UBA6: variants seen among roughly 807,000 people sequenced by gnomAD.
UBA6 encodes the protein ubiquitin-like modifier-activating enzyme 6.
A neutral mutation model predicts 148.3 loss-of-function variants in UBA6; 87 were observed. The observed-to-expected ratio is 0.59, with a 90% confidence interval of 0.49 to 0.70. The LOEUF is 0.70. UBA6 is among the 30% of genes least tolerant of loss of function. The pLI, the probability that UBA6 is intolerant of heterozygous loss-of-function variation, is 0.00. For synonymous variants in UBA6, 376 were observed against 401.0 expected (o/e 0.94, Z 0.75); for missense variants, 1,186 against 1,241.2 (o/e 0.96, Z 0.67).
intron 32 of UBA6, among the ~76,000 whole-genome samples, chr4:67,619,921 A>G (rs1422750849): frequency 2.6e-5 from 4 of 151,970 alleles, no homozygotes; most frequent in Non-Finnish European, 5.9e-5. Flanking sequence ...TCTACTTCCA[A>G]TCTACACTGC....
At chr4:67,646,917 A>G (rs1729433441) in intron 14 of UBA6, 126 bp from the exon 15 acceptor site, 1 of 275,184 alleles carries the variant, frequency 3.6e-6, no homozygotes. Context: ...TCAGAGTAAA[A>G]TATTTAAAAA....
chr4:67,634,311 G>A lies in UBA6; in HGVS notation c.1944C>T (p.Ser648=). 1.3e-6 allele frequency: 2 copies of A among 1,590,800 alleles called. No individual in the cohort carries two copies. Among genetic ancestry groups the A allele is most frequent in the Non-Finnish European group, 1.7e-6 (2 of 1,173,332 alleles). ...TAAACAATGAAGGTTTGTGGGAAAA[G>A]GAACTTTCAAACTGTAACAGAGAAA... ...IQWARDKFES[S]FSHKPSLFNK... is the part of the protein sequence containing the mutation. Residue 648 remains serine (S), a synonymous_variant, in exon 22 of 33, where the codon TCC becomes TCT. Coordinates refer to ENST00000322244, the MANE Select transcript of UBA6 (RefSeq NM_018227.6).
chr4:67,637,237 C>T (rs1332955788), intron 19 of UBA6, among the ~76,000 whole-genome samples: 22 of 149,812 alleles, frequency 1.5e-4, no homozygotes, highest in Admixed American at 3.3e-4. Flanking sequence ...GGGCAGCACC[C>T]GTCTGGCCAG....
chr4:67,674,394 G>C (rs11947365), intron 6 of UBA6, among the ~76,000 whole-genome samples: 30,746 of 151,966 alleles, frequency 0.2, 3,364 homozygotes, highest in Middle Eastern at 0.3. Context: ...GATGAGGTAA[G>C]GTCTTCCTCA....
intron 17 of UBA6, 34 bp downstream of exon 17, chr4:67,644,664 A>G: frequency 3.2e-6 from 4 of 1,234,026 alleles, no homozygotes; most frequent in Non-Finnish European, 3.6e-6. Context: ...CAACAGAAAT[A>G]TAAACTTTTA....
chr4:67,619,658 A>G (rs1190672056), intron 32 of UBA6, among the ~76,000 whole-genome samples: 6 of 152,220 alleles, frequency 3.9e-5, no homozygotes, highest in African/African-American at 1.4e-4. Context: ...ACTTCCTCTT[A>G]AGTTTGGAGG....
At position 67,673,715 on chromosome 4, in the gene UBA6, A is replaced by C; in HGVS notation, c.528T>G (p.Ser176=). 1 of 1,611,206 alleles carries C rather than the reference A, an allele frequency of 6.2e-7. No individual in the cohort carries two copies. The highest frequency in any genetic ancestry group is 8.5e-7 in the Non-Finnish European group (1 of 1,177,932). ...LQKKINDFCR[S]QCPPIKFISA... is the part of the protein sequence containing the mutation. Reference sequence around the variant, plus strand: ...CAATTACCTTAATTGGAGGGCACTGAGAACGGCAAAAGTCATTGATCTTCT... The same window carrying C: ...CAATTACCTTAATTGGAGGGCACTGCGAACGGCAAAAGTCATTGATCTTCT... The change falls in exon 7 of 33, where the codon TCT becomes TCG. Residue 176 remains serine (S), a synonymous_variant. Coordinates refer to ENST00000322244, the MANE Select transcript of UBA6 (RefSeq NM_018227.6).
chr4:67,680,257 T>C (rs13123627), intron 4 of UBA6, among the ~76,000 whole-genome samples: 33,495 of 152,026 alleles, frequency 0.22, 3,868 homozygotes, highest in Middle Eastern at 0.3. Context: ...AATGAAATAA[T>C]GAATCTAGGC....
chr4:67,650,206 C>A (rs1362300858), intron 13 of UBA6, among the ~76,000 whole-genome samples: 2 of 152,062 alleles, frequency 1.3e-5, no homozygotes, highest in Admixed American at 1.3e-4. Flanking sequence ...TGGGTACTTA[C>A]CATGCCAGGT....
intron 1 of UBA6, among the ~76,000 whole-genome samples, chr4:67,700,215 A>G (rs1730944252): frequency 2.0e-5 from 3 of 152,202 alleles, no homozygotes; most frequent in Admixed American, 1.3e-4. Context: ...GGCAGACAAC[A>G]CCATGAAACT....
intron 19 of UBA6, among the ~76,000 whole-genome samples, chr4:67,637,204 G>T (rs1383456892): frequency 6.7e-6 from 1 of 150,240 alleles, no homozygotes; most frequent in African/African-American, 2.5e-5. Flanking sequence ...CCGGCCAGCC[G>T]CCCCGTCCGG....
rs1166632764 is a variant in UBA6, at chr4:67,615,169, T to C, written c.*3828A>G. 1 of 152,230 alleles carries C rather than the reference T, an allele frequency of 6.6e-6. No homozygotes were observed. The highest frequency in any genetic ancestry group is 1.5e-5 in the Non-Finnish European group (1 of 68,040). The allele number at this position is 152,230 out of a possible 1,614,324, so 9.4% of individuals were successfully genotyped here. Reference sequence around the variant, plus strand: ...GGGCTGGTGGGAGGTGTTCGGGTTATGGGGATGGATATCTGGATCCCTCAT... The same window carrying C: ...GGGCTGGTGGGAGGTGTTCGGGTTACGGGGATGGATATCTGGATCCCTCAT... On this transcript the variant is annotated 3_prime_UTR_variant, in exon 33 of 33. Transcript: ENST00000322244.
chr4:67,626,888 T>C (rs536292688), intron 27 of UBA6, among the ~76,000 whole-genome samples: 35 of 152,130 alleles, frequency 2.3e-4, no homozygotes, highest in African/African-American at 8.4e-4. Flanking sequence ...CAACACTTTG[T>C]GATTCTGACA....
At position 67,684,357 on chromosome 4, in the gene UBA6, T is replaced by G. The variant is rs143358044; in HGVS notation, c.135-2144A>C. Among the ~76,000 whole-genome samples, 651 of 152,352 alleles carry G rather than the reference T, an allele frequency of 4.3e-3. 4 individuals carry two copies. The highest frequency in any genetic ancestry group is 0.015 in the African/African-American group (626 of 41,570). Reference sequence around the variant, plus strand: ...GATTTTAGTTTCTCAACTACTAATGTAAAATGTAACATTAAGAGCATCTCA... The same window carrying G: ...GATTTTAGTTTCTCAACTACTAATGGAAAATGTAACATTAAGAGCATCTCA... On this transcript the variant is annotated intron_variant, in intron 2 of 32. Transcript: ENST00000322244.
intron 10 of UBA6, among the ~76,000 whole-genome samples, chr4:67,664,954 G>A (rs1189661272): frequency 6.6e-6 from 1 of 151,960 alleles, no homozygotes; most frequent in African/African-American, 2.4e-5. Flanking sequence ...TCAACTATAT[G>A]TATATGGTAT....
At chr4:67,624,280 T>C (rs546740827) in intron 29 of UBA6, 27 bp from the exon 30 acceptor site, 12 of 1,580,348 alleles carry the variant, frequency 7.6e-6, no homozygotes, top group African/African-American at 5.5e-5. Flanking sequence ...GATCTGATAA[T>C]ATAAACAGCC....
Position 67,618,756 on chromosome 4 carries a change from T to C in UBA6, c.*241A>G, listed in dbSNP as rs1035314937. Reference sequence around the variant, plus strand: ...GATTAATACACAAAACTTTTGTAAATAGCATTCCAGTTCAAAGTTGCTTGT... The same window carrying C: ...GATTAATACACAAAACTTTTGTAAACAGCATTCCAGTTCAAAGTTGCTTGT... On this transcript the variant is annotated 3_prime_UTR_variant, in exon 33 of 33. Transcript: ENST00000322244. 2.7e-5 allele frequency: 10 copies of C among 373,302 alleles called. No homozygotes were observed. Among genetic ancestry groups the C allele is most frequent in the South Asian group, 7.2e-5 (1 of 13,850 alleles). 23.1% of individuals were successfully genotyped at this position (373,302 alleles called of 1,614,324 possible).
chr4:67,646,262 T>G (rs1295733430), intron 15 of UBA6, among the ~76,000 whole-genome samples: 1 of 152,138 alleles, frequency 6.6e-6, no homozygotes, highest in African/African-American at 2.4e-5. Context: ...GAAAAAAAAT[T>G]TTCCTAAGCC....
chr4:67,634,503 C>G lies in UBA6; in HGVS notation c.1858G>C (p.Glu620Gln). The G allele has an allele frequency of 1.3e-6, 2 of 1,573,052 alleles. No individual in the cohort carries two copies. Among genetic ancestry groups the G allele is most frequent in the Non-Finnish European group, 1.7e-6 (2 of 1,167,098 alleles). ...SYNSHRDPPE[E>Q]EIPFCTLKSF... ...TTTAGAGTACAAAATGGTATTTCCT[C>G]TTCTGGGGGATCCCGCTAATTTATA... Residue 620 changes from glutamate to glutamine, a missense_variant, in exon 21 of 33, where the codon GAG (glutamate) becomes CAG (glutamine). Coordinates refer to ENST00000322244, the MANE Select transcript of UBA6 (RefSeq NM_018227.6).
Sources: allele counts gnomAD v4.1 joint callset (sites outside exome capture counted in the v4.1 genomes callset), GRCh38; gene constraint gnomAD v4.1.1; transcripts MANE v1.5; gene names NCBI Gene and HGNC (gene_info 2026-07-23, HGNC 2026-07-21).